Variants in NR3C1 observed in about 807,000 individuals in gnomAD.
The protein encoded by NR3C1 is glucocorticoid receptor.
A neutral mutation model predicts 74.0 loss-of-function variants in NR3C1; 14 were observed. That is an observed-to-expected ratio of 0.19 (90% confidence interval 0.12 to 0.30). The LOEUF (loss-of-function observed/expected upper bound fraction) is 0.30, where lower values mean the gene tolerates loss of function less well. Among genes scored for constraint, NR3C1 ranks in the 10% least tolerant of loss-of-function variants. NR3C1 has a pLI of 1.00. For synonymous variants in NR3C1, 308 were observed against 332.5 expected (o/e 0.93, Z 0.80); for missense variants, 695 against 909.8 (o/e 0.76, Z 3.04).
At chr5:143,391,239 C>T (rs1838170638) in intron 2 of NR3C1, among the ~76,000 whole-genome samples, 2 of 152,112 alleles carry the variant, frequency 1.3e-5, no homozygotes, top group African/African-American at 4.8e-5. Context: ...CTATGCTTTC[C>T]TCTGCTTTTA....
At chr5:143,291,708 T>C (rs940407601) in intron 7 of NR3C1, among the ~76,000 whole-genome samples, 6 of 152,220 alleles carry the variant, frequency 3.9e-5, no homozygotes, top group Non-Finnish European at 7.3e-5. Context: ...TCCTTTGACC[T>C]ATCTATCTTC....
At chr5:143,419,965 CAG>C (rs1284258309) in intron 1 of NR3C1, among the ~76,000 whole-genome samples, 1 of 152,144 alleles carries the variant, frequency 6.6e-6, no homozygotes, top group Non-Finnish European at 1.5e-5. Flanking sequence ...GACCCACCCT[CAG>C]GGGCATATTC....
rs1812621588 is a variant in NR3C1, at chr5:143,278,209, A to C, written c.*3680T>G. 2 of 152,202 alleles carry C rather than the reference A, an allele frequency of 1.3e-5. No individual in the cohort carries two copies. Among genetic ancestry groups the C allele is most frequent in the South Asian group, 4.1e-4 (2 of 4,836 alleles). 9.4% of individuals were successfully genotyped at this position (152,202 alleles called of 1,614,324 possible). A position where few individuals can be genotyped will look rare whatever the true frequency, so the allele number is the denominator to read the frequency against. ...TTTTTAAACAGGAGTCACTGGTTTT[A>C]ATTTTTACACATTTTAAAATTACTG... On this transcript the variant is annotated 3_prime_UTR_variant, in exon 9 of 9. Coordinates refer to ENST00000394464, the MANE Select transcript of NR3C1 (RefSeq NM_000176.3).
chr5:143,426,808 T>A (rs1173153520), intron 1 of NR3C1, among the ~76,000 whole-genome samples: 1 of 152,230 alleles, frequency 6.6e-6, no homozygotes, highest in Non-Finnish European at 1.5e-5. Context: ...AACAGCTGTT[T>A]GGCTGATGCT....
intron 2 of NR3C1, among the ~76,000 whole-genome samples, chr5:143,382,889 C>T (rs995037688): frequency 1.1e-4 from 16 of 152,196 alleles, no homozygotes; most frequent in Non-Finnish European, 1.9e-4. Context: ...ATCCTTTCCT[C>T]GTATATGCAA....
chr5:143,378,678 T>C (rs540076496), intron 2 of NR3C1, among the ~76,000 whole-genome samples: 11 of 152,334 alleles, frequency 7.2e-5, no homozygotes, highest in Admixed American at 2.0e-4. Flanking sequence ...GTGTGTGTGT[T>C]TCATCTTTTC....
chr5:143,293,761 T>C (rs1249382307), intron 7 of NR3C1: 5 of 528,470 alleles, frequency 9.5e-6, no homozygotes. Flanking sequence ...ATTTCCATCC[T>C]TATGATTCTA....
chr5:143,323,789 G>T (rs1419099398), intron 2 of NR3C1, among the ~76,000 whole-genome samples: 1 of 152,108 alleles, frequency 6.6e-6, no homozygotes, highest in Non-Finnish European at 1.5e-5. Flanking sequence ...TGGGGGGCAG[G>T]GGGTAGGGGG....
chr5:143,376,114 G>C (rs1232042992), intron 2 of NR3C1, among the ~76,000 whole-genome samples: 2 of 151,940 alleles, frequency 1.3e-5, no homozygotes, highest in East Asian at 1.9e-4. Context: ...CCATCAGAAA[G>C]CTGAAAGATG....
At chr5:143,423,107 T>C (rs1751323685) in intron 1 of NR3C1, among the ~76,000 whole-genome samples, 1 of 152,086 alleles carries the variant, frequency 6.6e-6, no homozygotes, top group South Asian at 2.1e-4. Context: ...AAAAGCACAG[T>C]CAACCAGTGC....
Position 143,295,264 on chromosome 5 carries a change from A to G in NR3C1, c.2023+196T>C, listed in dbSNP as rs1245691241. 1.2e-5 allele frequency: 12 copies of G among 985,222 alleles called. No individual in the cohort carries two copies. The Admixed American group carries it at 5.5e-4, about 45-fold the overall frequency. The allele number at this position is 985,222 out of a possible 1,614,324, so 61.0% of individuals were successfully genotyped here. ...GCTCATATACCTCTCTGTTTCTGCC[A>G]TACCTATTTGTCTTATTAATCTTGG... On this transcript the variant is annotated intron_variant, in intron 7 of 8. Coordinates refer to ENST00000394464, the MANE Select transcript of NR3C1 (RefSeq NM_000176.3).
At chr5:143,402,719 C>T in intron 1 of NR3C1, 3 of 985,394 alleles carry the variant, frequency 3.0e-6, no homozygotes, top group Non-Finnish European at 3.6e-6. Context: ...CCCCGCACGC[C>T]CTCCTCAAGC....
chr5:143,418,703 T>C (rs1367283825), intron 1 of NR3C1, among the ~76,000 whole-genome samples: 1 of 152,098 alleles, frequency 6.6e-6, no homozygotes, highest in Non-Finnish European at 1.5e-5. Flanking sequence ...AGAATGAGAC[T>C]TAAAGGGTAA....
At chr5:143,333,131 C>T in intron 2 of NR3C1, 1 of 1,588,934 alleles carries the variant, frequency 6.3e-7, no homozygotes, top group Non-Finnish European at 8.5e-7. Flanking sequence ...CTTTCCACCT[C>T]TCAGTGGCCC....
chr5:143,424,101 T>A (rs1034697520), intron 1 of NR3C1, among the ~76,000 whole-genome samples: 1 of 150,746 alleles, frequency 6.6e-6, no homozygotes, highest in Non-Finnish European at 1.5e-5. Flanking sequence ...TTGGGAGATA[T>A]ACCTAATGCT....
chr5:143,388,359 C>T (rs965604409), intron 2 of NR3C1, among the ~76,000 whole-genome samples: 4 of 152,246 alleles, frequency 2.6e-5, no homozygotes, highest in East Asian at 1.9e-4. Flanking sequence ...TTTCCTCACT[C>T]GAGAAAGATT....
chr5:143,309,275 G>A (rs1820377584), intron 4 of NR3C1, among the ~76,000 whole-genome samples: 1 of 152,100 alleles, frequency 6.6e-6, no homozygotes, highest in Non-Finnish European at 1.5e-5. Context: ...GTTTCACCAT[G>A]TTAGCCAGGA....
chr5:143,397,795 C>G (rs761016770), intron 2 of NR3C1, among the ~76,000 whole-genome samples: 2 of 151,808 alleles, frequency 1.3e-5, no homozygotes, highest in Admixed American at 6.6e-5. Context: ...TCATGAAGTA[C>G]TATAAAAGTT....
At position 143,400,622 on chromosome 5, in the gene NR3C1, G is replaced by A. The variant is rs376527205; in HGVS notation, c.218C>T (p.Ala73Val). 6.8e-6 allele frequency: 11 copies of A among 1,614,204 alleles called. No individual in the cohort carries two copies. The highest frequency in any genetic ancestry group is 1.6e-4 in the Middle Eastern group (1 of 6,062). Residue 73 changes from alanine (A) to valine (V), a missense_variant, in exon 2 of 9, where the codon GCG (alanine) becomes GTG (valine). Physicochemically the swap from Ala to Val is moderately conservative, Grantham distance 64. Around this residue, in one of 4 missense-constraint regions of NR3C1, gnomAD observed 497 missense variants for 489.5 expected, o/e 1.02. Coordinates refer to ENST00000394464, the MANE Select transcript of NR3C1 (RefSeq NM_000176.3). ...VDFPKGSVSNAQQPDLSKAVS... is the reference protein window; with the variant it reads ...VDFPKGSVSNVQQPDLSKAVS... ...TGCTTTGGACAGATCTGGCTGCTGC[G>A]CATTGCTTACTGAGCCTTTTGGAAA...
Sources: allele counts gnomAD v4.1 joint callset (sites outside exome capture counted in the v4.1 genomes callset), GRCh38; gene constraint gnomAD v4.1.1; regional missense constraint gnomAD v4.1.1; transcripts MANE v1.5; gene names NCBI Gene and HGNC (gene_info 2026-07-23, HGNC 2026-07-21).